POGZ: variants seen among roughly 807,000 people sequenced by gnomAD.
The protein encoded by POGZ is pogo transposable element with ZNF domain.
Under a neutral mutation model 134.6 loss-of-function variants are expected in POGZ, and 17 were observed. The observed-to-expected ratio is 0.13, with a 90% confidence interval of 0.09 to 0.19. POGZ has a LOEUF of 0.19. Ranked by LOEUF, POGZ falls within the 10% of genes least tolerant of loss-of-function variation. The probability of loss-of-function intolerance (pLI) is 1.00; values close to 1 mark genes in which losing one functional copy is unlikely to be tolerated. For missense variants in POGZ, 1,306 were observed against 1,769.7 expected (o/e 0.74, Z 4.70); for synonymous variants, 693 against 657.1 (o/e 1.05, Z -0.84).
chr1:151,459,124 G>A (rs1475681181), intron 1 of POGZ, 28 bp downstream of exon 1: 3 of 151,442 alleles, frequency 2.0e-5, no homozygotes, highest in Non-Finnish European at 4.4e-5. Context: ...AGGGGGTGGG[G>A]AGAGAGAAGG....
Position 151,415,432 on chromosome 1 carries a change from G to A in POGZ, c.1679-3036C>T, listed in dbSNP as rs151294192. Among the ~76,000 whole-genome samples, 507 of 152,148 alleles carry A rather than the reference G, an allele frequency of 3.3e-3. 1 individual carries two copies. The highest frequency in any genetic ancestry group is 4.6e-3 in the African/African-American group (189 of 41,522). ...TGTAATCCCAGCACTTTGGGAGGCCGAGGCCGGTGGATCACGAGTTCAGGA... is the reference window on the plus strand; with the variant it reads ...TGTAATCCCAGCACTTTGGGAGGCCAAGGCCGGTGGATCACGAGTTCAGGA... On this transcript the variant is annotated intron_variant, in intron 10 of 18. Transcript: ENST00000271715.
intron 7 of POGZ, among the ~76,000 whole-genome samples, chr1:151,425,599 T>C (rs535615563): frequency 3.9e-5 from 6 of 152,312 alleles, no homozygotes; most frequent in African/African-American, 1.4e-4. Context: ...AGTGGAATCA[T>C]ATGGTACTTG....
At chr1:151,428,988 A>C (rs1658241502) in intron 5 of POGZ, among the ~76,000 whole-genome samples, 1 of 152,216 alleles carries the variant, frequency 6.6e-6, no homozygotes, top group Non-Finnish European at 1.5e-5. Context: ...CCTTAGGAAG[A>C]CAAGCTACAG....
intron 10 of POGZ, among the ~76,000 whole-genome samples, chr1:151,416,973 T>A (rs1655841106): frequency 6.6e-6 from 1 of 152,064 alleles, no homozygotes; most frequent in Non-Finnish European, 1.5e-5. Context: ...CAATTAAATA[T>A]AATGATCCAC....
intron 10 of POGZ, among the ~76,000 whole-genome samples, chr1:151,421,722 C>T (rs1007520676): frequency 3.9e-5 from 6 of 152,156 alleles, no homozygotes; most frequent in African/African-American, 1.2e-4. Flanking sequence ...ATTTCTGTAT[C>T]TCTCAGTTAA....
intron 1 of POGZ, among the ~76,000 whole-genome samples, chr1:151,457,086 AGAG>A (rs1662863904): frequency 6.6e-6 from 1 of 152,200 alleles, no homozygotes; most frequent in African/African-American, 2.4e-5. Flanking sequence ...TGAAAGGGTA[AGAG>A]GAGATCCCCA....
chr1:151,447,920 G>A, intron 1 of POGZ, among the ~76,000 whole-genome samples: 1 of 151,928 alleles, frequency 6.6e-6, no homozygotes, highest in East Asian at 1.9e-4. Flanking sequence ...TAAAATCTTT[G>A]CTGATAGTCA....
chr1:151,416,248 AAAG>A (rs1315455006), intron 10 of POGZ, among the ~76,000 whole-genome samples: 2 of 146,370 alleles, frequency 1.4e-5, no homozygotes, highest in African/African-American at 5.0e-5. Context: ...AAAAGAAAGA[AAAG>A]AAAAAAAAAA....
intron 10 of POGZ, among the ~76,000 whole-genome samples, chr1:151,414,534 A>G (rs905110995): frequency 5.9e-5 from 9 of 152,238 alleles, no homozygotes; most frequent in Admixed American, 4.6e-4. Context: ...TGTAATCCCA[A>G]CACTTTGGGA....
In POGZ at chr1:151,429,136, A is replaced by C. The variant is rs1398136860; in HGVS notation, c.568+467T>G. Among the ~76,000 whole-genome samples the C allele has an allele frequency of 6.6e-5, 10 of 151,992 alleles. No homozygotes were observed. In the South Asian group the frequency reaches 1.2e-3, roughly 19 times the overall value. On this transcript the variant is annotated intron_variant, in intron 5 of 18. Coordinates refer to ENST00000271715, the MANE Select transcript of POGZ (RefSeq NM_015100.4). ...CTTCTCAGAATCTTAAAAAAAAAAA[A>C]AACTATCTAGCAGAATCTTAAAAAA...
At chr1:151,432,504 T>C (rs1658864806) in intron 3 of POGZ, among the ~76,000 whole-genome samples, 1 of 152,204 alleles carries the variant, frequency 6.6e-6, no homozygotes, top group Non-Finnish European at 1.5e-5. Flanking sequence ...GCAAGTTCTA[T>C]CCATGTTAAA....
At chr1:151,453,347 G>GT (rs758279592) in intron 1 of POGZ, among the ~76,000 whole-genome samples, 3 of 151,838 alleles carry the variant, frequency 2.0e-5, no homozygotes, top group Non-Finnish European at 4.4e-5. Context: ...TATCTCTTTG[G>GT]TATTTACTAA....
intron 3 of POGZ, among the ~76,000 whole-genome samples, chr1:151,431,126 C>T (rs1658627804): frequency 6.6e-6 from 1 of 151,718 alleles, no homozygotes; most frequent in African/African-American, 2.4e-5. Flanking sequence ...TCCAAGACTG[C>T]CACTCATCTC....
intron 10 of POGZ, among the ~76,000 whole-genome samples, chr1:151,415,114 C>T (rs1248704514): frequency 2.0e-5 from 3 of 152,172 alleles, no homozygotes; most frequent in African/African-American, 7.2e-5. Flanking sequence ...CTCATCCAAC[C>T]TCATCATGCC....
intron 1 of POGZ, among the ~76,000 whole-genome samples, chr1:151,450,170 T>C (rs1331616041): frequency 6.6e-6 from 1 of 151,588 alleles, no homozygotes. Context: ...TAGCTGGGAC[T>C]ACAGGTGCCC....
intron 10 of POGZ, among the ~76,000 whole-genome samples, chr1:151,418,205 G>A (rs1656129719): frequency 6.6e-6 from 1 of 150,534 alleles, no homozygotes. Flanking sequence ...GACATAGCAA[G>A]ACTCCTTCTC....
intron 3 of POGZ, among the ~76,000 whole-genome samples, chr1:151,435,009 T>C (rs1163378118): frequency 6.6e-6 from 1 of 150,994 alleles, no homozygotes; most frequent in Non-Finnish European, 1.5e-5. Context: ...CAAGTGGTTC[T>C]TCTGCTCAGC....
At chr1:151,422,596 C>CT (rs950972860) in intron 10 of POGZ, among the ~76,000 whole-genome samples, 48 of 147,376 alleles carry the variant, frequency 3.3e-4, no homozygotes, top group South Asian at 1.1e-3. Flanking sequence ...ATAATATTAT[C>CT]TTTTTTTTTT....
At chr1:151,456,729 G>A (rs1237227492) in intron 1 of POGZ, among the ~76,000 whole-genome samples, 1 of 152,200 alleles carries the variant, frequency 6.6e-6, no homozygotes, top group Non-Finnish European at 1.5e-5. Context: ...GAGGCAGGTG[G>A]ATCGCCTGAG....
Sources: allele counts gnomAD v4.1 joint callset (sites outside exome capture counted in the v4.1 genomes callset), GRCh38; gene constraint gnomAD v4.1.1; transcripts MANE v1.5; gene names NCBI Gene and HGNC (gene_info 2026-07-23, HGNC 2026-07-21).